Variants in NFIA observed in about 807,000 individuals in gnomAD.
NFIA encodes the protein nuclear factor 1 A-type.
In NFIA, 8 loss-of-function variants were observed where a neutral mutation model predicts 62.8. The observed-to-expected ratio is 0.13, with a 90% confidence interval of 0.07 to 0.23. NFIA has a LOEUF of 0.23. Ranked by LOEUF, NFIA falls within the 10% of genes least tolerant of loss-of-function variation. The probability of loss-of-function intolerance (pLI) is 1.00; values close to 1 mark genes in which losing one functional copy is unlikely to be tolerated. For missense variants in NFIA, 410 were observed against 642.1 expected (o/e 0.64, Z 3.91); for synonymous variants, 235 against 238.1 (o/e 0.99, Z 0.12).
intron 2 of NFIA, among the ~76,000 whole-genome samples, chr1:61,240,649 A>G (rs1261037208): frequency 6.6e-6 from 1 of 152,088 alleles, no homozygotes; most frequent in Non-Finnish European, 1.5e-5. Context: ...AATATTTTCA[A>G]ATTACTAGAT....
rs187779692 is a variant in NFIA at position 61,398,250 on chromosome 1, G to A, written c.1076-5854G>A. Among the ~76,000 whole-genome samples the A allele has an allele frequency of 1.2e-4, 18 of 152,322 alleles. No homozygotes were observed. In the East Asian group the frequency reaches 3.5e-3, roughly 29 times the overall value. ...TAGCCTGCAAAGTCTAAACTATTTA[G>A]TATCTGGTCTTTACAGAAAATGTTT... On this transcript the variant is annotated intron_variant, in intron 7 of 10. Transcript: ENST00000403491.
At chr1:61,399,356 T>C (rs1665440490) in intron 7 of NFIA, among the ~76,000 whole-genome samples, 1 of 152,178 alleles carries the variant, frequency 6.6e-6, no homozygotes, top group South Asian at 2.1e-4. Context: ...ATTTTATTGT[T>C]TGTGTTGCTC....
At position 61,456,721 on chromosome 1, in the gene NFIA, G is replaced by A. The variant is rs1281377148; in HGVS notation, c.*1401G>A. The A allele has an allele frequency of 6.8e-6, 1 of 146,548 alleles. No homozygotes were observed. The highest frequency in any genetic ancestry group is 2.5e-5 in the African/African-American group (1 of 39,810). 9.1% of individuals were successfully genotyped at this position (146,548 alleles called of 1,614,324 possible). A position where few individuals can be genotyped will look rare whatever the true frequency, so the allele number is the denominator to read the frequency against. ...GAAACCAATACTGACACAAATGCTG[G>A]TGCCCATTCAGATCAAGGGTACTTG... is the stretch of plus-strand genomic sequence containing the variant. On this transcript the variant is annotated 3_prime_UTR_variant, in exon 11 of 11. Coordinates refer to ENST00000403491, the MANE Select transcript of NFIA (RefSeq NM_001134673.4).
At chr1:61,127,575 C>T (rs890137560) in intron 2 of NFIA, among the ~76,000 whole-genome samples, 1 of 152,108 alleles carries the variant, frequency 6.6e-6, no homozygotes, top group Admixed American at 6.6e-5. Flanking sequence ...ATAGCTCAGC[C>T]ATCACTAGAC....
At chr1:61,316,551 G>A (rs1035154899) in intron 3 of NFIA, among the ~76,000 whole-genome samples, 1 of 152,114 alleles carries the variant, frequency 6.6e-6, no homozygotes, top group Non-Finnish European at 1.5e-5. Context: ...GCATCCTGAG[G>A]GGACAGGGCA....
chr1:61,341,809 T>G (rs937125805), intron 4 of NFIA, among the ~76,000 whole-genome samples: 1 of 152,236 alleles, frequency 6.6e-6, no homozygotes, highest in African/African-American at 2.4e-5. Context: ...CCTTTATTTA[T>G]GCACTCATAA....
rs541360053 is a variant in NFIA at position 61,272,571 on chromosome 1, G to T, written c.560-4949G>T. Among the ~76,000 whole-genome samples the T allele has an allele frequency of 9.2e-5, 14 of 152,218 alleles. No individual in the cohort carries two copies. The South Asian group carries it at 2.9e-3, about 32-fold the overall frequency. ...TACAACCTTATAGATGTAGAAAAAT[G>T]AATTCCTTGGCCTCTTCTGCAGAGT... On this transcript the variant is annotated intron_variant, in intron 2 of 10. Coordinates refer to ENST00000403491, the MANE Select transcript of NFIA (RefSeq NM_001134673.4).
intron 9 of NFIA, among the ~76,000 whole-genome samples, chr1:61,417,547 C>T (rs990826568): frequency 6.6e-6 from 1 of 151,792 alleles, no homozygotes; most frequent in African/African-American, 2.4e-5. Flanking sequence ...ATTGCTAATA[C>T]AAACAGTATG....
chr1:61,090,609 G>A (rs972012061), intron 2 of NFIA, among the ~76,000 whole-genome samples: 1 of 152,180 alleles, frequency 6.6e-6, no homozygotes, highest in African/African-American at 2.4e-5. Flanking sequence ...GCCTGAAGGG[G>A]TTATGTTGGT....
chr1:61,162,796 A>G (rs1480524872), intron 2 of NFIA, among the ~76,000 whole-genome samples: 2 of 151,178 alleles, frequency 1.3e-5, no homozygotes, highest in Admixed American at 1.3e-4. Context: ...CCCACAACAT[A>G]ATCCATAAAA....
intron 9 of NFIA, among the ~76,000 whole-genome samples, chr1:61,412,364 A>G (rs1666141358): frequency 2.0e-5 from 3 of 152,222 alleles, no homozygotes; most frequent in Admixed American, 2.0e-4. Flanking sequence ...ACTTATTGCA[A>G]TCTTCCAGGC....
intron 2 of NFIA, among the ~76,000 whole-genome samples, chr1:61,126,437 A>AACACACACACACACACACACACAC: frequency 1.3e-5 from 1 of 74,834 alleles, no homozygotes; most frequent in Admixed American, 1.5e-4. Flanking sequence ...TTTGAAAATG[A>AACACACACACACACACACACACAC]ACACACACAC....
At chr1:61,148,335 G>C (rs548456340) in intron 2 of NFIA, among the ~76,000 whole-genome samples, 1 of 151,962 alleles carries the variant, frequency 6.6e-6, no homozygotes, top group Middle Eastern at 3.2e-3. Context: ...CATTCTTTCC[G>C]GCCTTTGGAC....
chr1:61,456,819 CAAAA>C lies in NFIA; in HGVS notation c.*1506_*1509del, dbSNP rs67049386. 1 of 134,526 alleles carries C rather than the reference CAAAA, an allele frequency of 7.4e-6. No individual in the cohort carries two copies. The highest frequency in any genetic ancestry group is 1.6e-5 in the Non-Finnish European group (1 of 61,336). 8.3% of individuals were successfully genotyped at this position (134,526 alleles called of 1,614,324 possible). ...TGAAAAAAAAAACAAAAAACAAAAA[CAAAA>C]AAAAAACACAAAAAACCACAGAAAC... On this transcript the variant is annotated 3_prime_UTR_variant, in exon 11 of 11. Transcript: ENST00000403491.
rs187823739 is a variant in NFIA, at chr1:61,112,064, G to A, written c.559+23384G>A. Among the ~76,000 whole-genome samples the A allele has an allele frequency of 2.4e-4, 37 of 151,442 alleles. 1 individual carries two copies. In the East Asian group the frequency reaches 6.6e-3, roughly 27 times the overall value. On this transcript the variant is annotated intron_variant, in intron 2 of 10. Coordinates refer to ENST00000403491, the MANE Select transcript of NFIA (RefSeq NM_001134673.4). ...TAACATCTCATTTGCATAAATTGTT[G>A]AAGTCAAAACAACAAAGAATTGTCT...
Position 61,088,113 on chromosome 1 carries a change from T to C in NFIA, c.28-36T>C, listed in dbSNP as rs769067701. 4 of 1,544,398 alleles carry C rather than the reference T, an allele frequency of 2.6e-6. No individual in the cohort carries two copies. The highest frequency in any genetic ancestry group is 2.2e-5 in the Admixed American group (1 of 46,146). On this transcript the variant is annotated intron_variant, in intron 1 of 10. Transcript: ENST00000403491. The surrounding 1 kb of genome is among the most constrained non-coding windows in gnomAD (Gnocchi z 4.5). ...GAAAAGTTGTTTTCTTTTGTTTTCA[T>C]TCTACTTATATTTTTCTTTTTGTTC...
intron 10 of NFIA, among the ~76,000 whole-genome samples, chr1:61,428,865 A>G (rs771863404): frequency 4.6e-5 from 7 of 152,178 alleles, no homozygotes; most frequent in Non-Finnish European, 5.9e-5. Flanking sequence ...TAATTGAATT[A>G]CAGGAAAAGT....
At chr1:61,209,486 A>C (rs1197960612) in intron 2 of NFIA, among the ~76,000 whole-genome samples, 1 of 152,174 alleles carries the variant, frequency 6.6e-6, no homozygotes, top group Non-Finnish European at 1.5e-5. Context: ...GCCCAAAATA[A>C]ACAAACATCT....
intron 2 of NFIA, among the ~76,000 whole-genome samples, chr1:61,193,175 T>G (rs1651760267): frequency 6.6e-6 from 1 of 152,218 alleles, no homozygotes; most frequent in South Asian, 2.1e-4. Flanking sequence ...GATGTCCATG[T>G]GTTTGGCTTG....
Sources: allele counts gnomAD v4.1 joint callset (sites outside exome capture counted in the v4.1 genomes callset), GRCh38; gene constraint gnomAD v4.1.1; non-coding constraint Gnocchi (gnomAD v3.1); transcripts MANE v1.5; gene names NCBI Gene and HGNC (gene_info 2026-07-23, HGNC 2026-07-21).